Variants in SLC44A1 observed in about 807,000 individuals in gnomAD.
SLC44A1 encodes solute carrier family 44 member 1, also known as choline transporter-like protein 1.
In SLC44A1, 26 loss-of-function variants were observed where a neutral mutation model predicts 79.3. That is an observed-to-expected ratio of 0.33 (90% CI 0.24 to 0.46). The LOEUF is 0.46. Among genes scored for constraint, SLC44A1 ranks in the 20% least tolerant of loss-of-function variants. The pLI is 1.00. For missense variants in SLC44A1, 688 were observed against 798.1 expected, an observed-to-expected ratio of 0.86 and a Z score of 1.66; for synonymous variants, 263 against 286.2, an observed-to-expected ratio of 0.92 and a Z score of 0.82.
chr9:105,279,316 ACTT>A (rs1167265540), intron 1 of SLC44A1, among the ~76,000 whole-genome samples: 5 of 149,300 alleles, frequency 3.3e-5, no homozygotes, highest in African/African-American at 1.2e-4. Context: ...GGAAAAGAAA[ACTT>A]TTTTTTTTTT....
chr9:105,417,367 GGAA>G (rs912931788), intron 15 of SLC44A1, among the ~76,000 whole-genome samples: 5 of 152,250 alleles, frequency 3.3e-5, no homozygotes, highest in South Asian at 4.1e-4. Flanking sequence ...CTTCCCTCAT[GGAA>G]GAAGGATAAA....
intron 1 of SLC44A1, among the ~76,000 whole-genome samples, chr9:105,288,516 T>G (rs1374944275): frequency 6.6e-6 from 1 of 152,154 alleles, no homozygotes; most frequent in East Asian, 1.9e-4. Context: ...ACCTGGCTAA[T>G]TTTTTAATTA....
At chr9:105,425,396 T>C (rs1439800976) in intron 15 of SLC44A1, among the ~76,000 whole-genome samples, 3 of 152,104 alleles carry the variant, frequency 2.0e-5, no homozygotes, top group African/African-American at 7.2e-5. Context: ...AAGAACAAAA[T>C]ACTATGAGAG....
chr9:105,247,026 G>A (rs1397240985), intron 1 of SLC44A1, among the ~76,000 whole-genome samples: 4 of 151,700 alleles, frequency 2.6e-5, no homozygotes, highest in African/African-American at 9.7e-5. Flanking sequence ...TTTAAGTTCA[G>A]CTTTAGGGAC....
intron 15 of SLC44A1, among the ~76,000 whole-genome samples, chr9:105,410,007 C>T (rs1172963678): frequency 2.6e-5 from 4 of 152,078 alleles, no homozygotes; most frequent in East Asian, 1.9e-4. Flanking sequence ...AAAGTATATT[C>T]TAGGTCAAAA....
At chr9:105,259,538 A>G (rs1280067714) in intron 1 of SLC44A1, among the ~76,000 whole-genome samples, 1 of 152,238 alleles carries the variant, frequency 6.6e-6, no homozygotes, top group Non-Finnish European at 1.5e-5. Flanking sequence ...AATTTTTAAA[A>G]TAATAAACTT....
chr9:105,329,716 C>T (rs953745443), intron 3 of SLC44A1, among the ~76,000 whole-genome samples: 4 of 152,070 alleles, frequency 2.6e-5, no homozygotes, highest in African/African-American at 9.7e-5. Flanking sequence ...ATACCCCATC[C>T]TATAGTCGAC....
downstream of SLC44A1, chr9:105,397,452 GC>G: frequency 1.5e-6 from 1 of 682,532 alleles, no homozygotes; most frequent in Non-Finnish European, 1.8e-6. Context: ...CTGCAAGGGT[GC>G]CCCAGAATTT....
chr9:105,383,018 C>G, intron 13 of SLC44A1, 105 bp from the exon 14 acceptor site: 3 of 760,224 alleles, frequency 3.9e-6, no homozygotes, highest in East Asian at 2.5e-5. Context: ...TGGCCTCATG[C>G]AACCATCATT....
chr9:105,391,593 T>G lies in SLC44A1; in HGVS notation c.*2537T>G. 1.0e-6 allele frequency: 1 copy of G among 985,092 alleles called. No individual in the cohort carries two copies. Among genetic ancestry groups the G allele is most frequent in the Non-Finnish European group, 1.2e-6 (1 of 829,598 alleles). The allele number at this position is 985,092 out of a possible 1,614,324, so 61.0% of individuals were successfully genotyped here. On this transcript the variant is annotated 3_prime_UTR_variant, in exon 16 of 16. Transcript: ENST00000374720. Reference sequence around the variant, plus strand: ...CATGAGCTTTATTCCTTGATTAATTTGATAAAGCCTCACAGAGGATTTTAA... The same window carrying G: ...CATGAGCTTTATTCCTTGATTAATTGGATAAAGCCTCACAGAGGATTTTAA...
intron 4 of SLC44A1, among the ~76,000 whole-genome samples, chr9:105,347,794 T>A (rs981991126): frequency 6.6e-6 from 1 of 152,096 alleles, no homozygotes; most frequent in African/African-American, 2.4e-5. Flanking sequence ...GAATGTTTCC[T>A]GCTTTTTAAA....
intron 7 of SLC44A1, 79 bp from the exon 8 acceptor site, chr9:105,361,112 G>A (rs1239822352): frequency 7.3e-7 from 1 of 1,376,754 alleles, no homozygotes; most frequent in Non-Finnish European, 1.0e-6. Flanking sequence ...CTGTAGGAAG[G>A]GTCAAGAAAA....
At chr9:105,375,154 G>A (rs1206289967) in intron 13 of SLC44A1, among the ~76,000 whole-genome samples, 7 of 152,158 alleles carry the variant, frequency 4.6e-5, no homozygotes, top group African/African-American at 7.2e-5. Context: ...CAATTCTCCC[G>A]CTTCAGCCTC....
At chr9:105,435,598 A>G (rs930413505) in intron 15 of SLC44A1, among the ~76,000 whole-genome samples, 1 of 152,194 alleles carries the variant, frequency 6.6e-6, no homozygotes, top group Non-Finnish European at 1.5e-5. Flanking sequence ...TTAATCAGTT[A>G]AGGCAGGAAC....
chr9:105,427,540 G>A (rs1326851425), intron 15 of SLC44A1, among the ~76,000 whole-genome samples: 2 of 151,274 alleles, frequency 1.3e-5, no homozygotes, highest in East Asian at 2.0e-4. Context: ...CTCCCAAAAT[G>A]CCAGGATTCA....
intron 3 of SLC44A1, among the ~76,000 whole-genome samples, chr9:105,335,164 A>G (rs1826872768): frequency 6.6e-6 from 1 of 152,086 alleles, no homozygotes. Context: ...TTTATTAACT[A>G]AAGTTTACAG....
At chr9:105,298,460 C>T (rs912119534) in intron 1 of SLC44A1, among the ~76,000 whole-genome samples, 3 of 152,166 alleles carry the variant, frequency 2.0e-5, no homozygotes, top group Admixed American at 2.0e-4. Flanking sequence ...TCAAGCGGTT[C>T]TCCTGCCTCA....
At chr9:105,356,416 T>A (rs749162898) in intron 6 of SLC44A1, 35 bp downstream of exon 6, 9 of 1,421,626 alleles carry the variant, frequency 6.3e-6, no homozygotes, top group Non-Finnish European at 8.7e-6. Context: ...TATTGCATAG[T>A]ATTGCAGAAG....
intron 1 of SLC44A1, among the ~76,000 whole-genome samples, chr9:105,247,875 C>T (rs1313409314): frequency 6.6e-6 from 1 of 152,190 alleles, no homozygotes; most frequent in Non-Finnish European, 1.5e-5. Context: ...TTAATTTTGC[C>T]AAGCTGTCCT....
Sources: gnomAD v4.1 joint callset for allele counts (sites outside exome capture counted in the v4.1 genomes callset) on GRCh38, gnomAD v4.1.1 for gene constraint, MANE v1.5 for transcripts, NCBI Gene and HGNC (gene_info 2026-07-23, HGNC 2026-07-21) for gene names.